DNASE2B: variants seen among roughly 807,000 people sequenced by gnomAD.
DNASE2B encodes the protein deoxyribonuclease-2-beta.
In DNASE2B, 43 loss-of-function variants were observed where a neutral mutation model predicts 46.0. That is an observed-to-expected ratio of 0.94 (90% CI 0.73 to 1.21). The LOEUF (loss-of-function observed/expected upper bound fraction) is 1.21. Among genes scored for constraint, DNASE2B ranks in the 50% most tolerant of loss-of-function variants. The pLI is 0.00. For synonymous variants in DNASE2B, 156 were observed against 152.5 expected (o/e 1.02, Z -0.17); for missense variants, 395 against 414.4 (o/e 0.95, Z 0.41).
Position 84,414,798 on chromosome 1 carries a change from T to C in DNASE2B, c.1016T>C (p.Ile339Thr). 1 of 1,614,190 alleles carries C rather than the reference T, an allele frequency of 6.2e-7. No individual in the cohort carries two copies. The highest frequency in any genetic ancestry group is 8.5e-7 in the Non-Finnish European group (1 of 1,180,018). ...CAAGCCTTCAGAAGTGGAGGATTCA[T>C]TTGTACCCAGAATTGGCAAATTTAC... Reference protein sequence around the residue: ...PHQAFRSGGFICTQNWQIYQA... With the variant: ...PHQAFRSGGFTCTQNWQIYQA... The change falls in exon 6 of 6, where the codon ATT becomes ACT. Residue 339 changes from isoleucine to threonine, a missense_variant. Transcript: ENST00000370665.
intron 4 of DNASE2B, among the ~76,000 whole-genome samples, chr1:84,411,475 T>TCA (rs1680596637): frequency 5.8e-4 from 29 of 49,578 alleles, no homozygotes; most frequent in African/African-American, 2.1e-3. Flanking sequence ...TGTGTGTGTG[T>TCA]GTGTGTGTCA....
intron 2 of DNASE2B, among the ~76,000 whole-genome samples, chr1:84,404,286 C>T (rs1435567562): frequency 5.9e-5 from 9 of 152,126 alleles, no homozygotes; most frequent in Admixed American, 5.9e-4. Flanking sequence ...TGAAATCCAT[C>T]ACCCCCAACC....
chr1:84,402,156 C>T, intron 2 of DNASE2B, 78 bp downstream of exon 2: 1 of 1,426,860 alleles, frequency 7.0e-7, no homozygotes, highest in African/African-American at 1.5e-5. Flanking sequence ...CCAGAGTTTT[C>T]TGTTCACCCA....
intron 2 of DNASE2B, among the ~76,000 whole-genome samples, chr1:84,403,050 G>A (rs1680446966): frequency 6.6e-6 from 1 of 152,182 alleles, no homozygotes; most frequent in Admixed American, 6.5e-5. Flanking sequence ...CTAGCCTTCA[G>A]AGCCAAGCTA....
At chr1:84,409,630 AC>A (rs1680553697) in intron 3 of DNASE2B, among the ~76,000 whole-genome samples, 1 of 152,110 alleles carries the variant, frequency 6.6e-6, no homozygotes. Context: ...TCTCCTGAAT[AC>A]CCTATTTACT....
chr1:84,404,488 T>C (rs1168715043), intron 2 of DNASE2B, among the ~76,000 whole-genome samples: 1 of 152,206 alleles, frequency 6.6e-6, no homozygotes, highest in Non-Finnish European at 1.5e-5. Context: ...ATGTGTTCTA[T>C]CATGTGTTCC....
In DNASE2B at chr1:84,414,700, C is replaced by CA; in HGVS notation, c.920dup (p.Trp308ValfsTer51). On this transcript the variant is annotated frameshift_variant, in exon 6 of 6. Coordinates refer to ENST00000370665, the MANE Select transcript of DNASE2B (RefSeq NM_021233.3). LOFTEE classifies it high-confidence loss of function. ...ATTTCAGTTCTTATCAAGATCATGC[C>CA]AAGTGGTGTATTTCCCAAAAGGGCA... is the stretch of plus-strand genomic sequence containing the variant. 6.2e-7 allele frequency: 1 copy of CA among 1,614,124 alleles called. No homozygotes were observed. Among genetic ancestry groups the CA allele is most frequent in the East Asian group, 2.2e-5 (1 of 44,876 alleles).
chr1:84,413,533 C>T (rs1680639362), intron 5 of DNASE2B, among the ~76,000 whole-genome samples: 1 of 152,210 alleles, frequency 6.6e-6, no homozygotes, highest in Non-Finnish European at 1.5e-5. Flanking sequence ...TTGGGGAACA[C>T]GCAGTCCCCT....
chr1:84,411,465 TG>T (rs1680594837), intron 4 of DNASE2B, among the ~76,000 whole-genome samples: 1 of 53,146 alleles, frequency 1.9e-5, no homozygotes, highest in Non-Finnish European at 4.1e-5. Context: ...TGTGTGTGTG[TG>T]TGTGTGTGTG....
chr1:84,414,793 AT>A lies in DNASE2B; in HGVS notation c.1013del (p.Phe338SerfsTer16). The stretch of plus-strand genomic sequence containing the variant: ...CACACCAAGCCTTCAGAAGTGGAGG[AT>A]TCATTTGTACCCAGAATTGGCAAAT... ...SPHQAFRSGG[F>X]ICTQNWQIYQ... is the part of the protein sequence containing the mutation. On this transcript the variant is annotated frameshift_variant, in exon 6 of 6. Coordinates refer to ENST00000370665, the MANE Select transcript of DNASE2B (RefSeq NM_021233.3). LOFTEE classifies it high-confidence loss of function. 1 of 1,614,184 alleles carries A rather than the reference AT, an allele frequency of 6.2e-7. No homozygotes were observed. Among genetic ancestry groups the A allele is most frequent in the Non-Finnish European group, 8.5e-7 (1 of 1,180,016 alleles).
intron 4 of DNASE2B, among the ~76,000 whole-genome samples, chr1:84,411,428 GT>G (rs1558503328): frequency 0.12 from 575 of 4,754 alleles, 4 homozygotes; most frequent in African/African-American, 0.14. Flanking sequence ...AACCTAGGGT[GT>G]GTGTGTGTGT....
intron 2 of DNASE2B, among the ~76,000 whole-genome samples, chr1:84,406,939 T>G (rs945223512): frequency 6.6e-6 from 1 of 152,194 alleles, no homozygotes; most frequent in African/African-American, 2.4e-5. Context: ...TCATAAACAT[T>G]TATCAAACTA....
chr1:84,410,200 A>C (rs1468421068), intron 3 of DNASE2B, among the ~76,000 whole-genome samples: 1 of 151,968 alleles, frequency 6.6e-6, no homozygotes, highest in Non-Finnish European at 1.5e-5. Context: ...CAAAATGATA[A>C]AAATCTTTCT....
At chr1:84,406,066 T>C (rs1680486601) in intron 2 of DNASE2B, among the ~76,000 whole-genome samples, 1 of 151,232 alleles carries the variant, frequency 6.6e-6, no homozygotes, top group African/African-American at 2.4e-5. Context: ...GTGGTTCATC[T>C]GTGAGTTTTT....
chr1:84,411,425 GGTGTGTGTGTGTGTGTGTGTGTGTGT>G (rs71097845), intron 4 of DNASE2B, among the ~76,000 whole-genome samples: 26,929 of 139,216 alleles, frequency 0.19, 2,940 homozygotes, highest in African/African-American at 0.26. Flanking sequence ...AGAAACCTAG[GGTGTGTGTGTGTGTGTGTGTGTGTGT>G]GTGTGTGTGT....
At chr1:84,399,909 G>A (rs1680376657) in intron 1 of DNASE2B, among the ~76,000 whole-genome samples, 1 of 152,172 alleles carries the variant, frequency 6.6e-6, no homozygotes, top group African/African-American at 2.4e-5. Flanking sequence ...TGGATGGGGA[G>A]CAGCCTAGAA....
rs752319223 is a variant in DNASE2B at position 84,408,466 on chromosome 1, T to A, written c.333T>A (p.Asn111Lys). ...KSNNTAYLIYNDGVPKPVNYS... is the reference protein window; with the variant it reads ...KSNNTAYLIYKDGVPKPVNYS... The stretch of plus-strand genomic sequence containing the variant: ...ACAACACAGCCTATCTAATATACAA[T>A]GATGGAGTCCCTAAACCTGTGAATT... The change falls in exon 3 of 6, where the codon AAT becomes AAA. Residue 111 changes from asparagine to lysine, a missense_variant. Physicochemically the swap from Asn to Lys is moderately conservative, Grantham distance 94. Transcript: ENST00000370665. 6.2e-7 allele frequency: 1 copy of A among 1,611,830 alleles called. No homozygotes were observed. The highest frequency in any genetic ancestry group is 2.2e-5 in the East Asian group (1 of 44,818).
At chr1:84,407,129 A>G (rs1680505149) in intron 2 of DNASE2B, among the ~76,000 whole-genome samples, 3 of 152,180 alleles carry the variant, frequency 2.0e-5, no homozygotes, top group Admixed American at 6.5e-5. Context: ...CCCTTTATCA[A>G]TAGCCTCTCT....
intron 5 of DNASE2B, among the ~76,000 whole-genome samples, chr1:84,413,701 G>C (rs1680642358): frequency 6.6e-6 from 1 of 152,110 alleles, no homozygotes; most frequent in South Asian, 2.1e-4. Context: ...CTCAAGTCTT[G>C]ATCTCTACCC....
Sources: gnomAD v4.1 joint callset for allele counts (sites outside exome capture counted in the v4.1 genomes callset) on GRCh38, gnomAD v4.1.1 for gene constraint, MANE v1.5 for transcripts, NCBI Gene and HGNC (gene_info 2026-07-23, HGNC 2026-07-21) for gene names.